IL1RAPL1: variants seen among roughly 807,000 people sequenced by gnomAD.
The protein encoded by IL1RAPL1 is interleukin 1 receptor accessory protein like 1.
Under a neutral mutation model 48.4 loss-of-function variants are expected in IL1RAPL1, and 3 were observed. The observed-to-expected ratio is 0.06, with a 90% CI of 0.03 to 0.16. IL1RAPL1 has a LOEUF of 0.16. IL1RAPL1 is among the 10% of genes least tolerant of loss of function. IL1RAPL1 has a pLI of 1.00. For missense variants in IL1RAPL1, 349 were observed against 530.6 expected (o/e 0.66, Z 3.36); for synonymous variants, 185 against 187.7 (o/e 0.99, Z 0.12).
intron 6 of IL1RAPL1, among the ~76,000 whole-genome samples, chrX:29,806,944 A>T (rs1454188843): frequency 9.1e-6 from 1 of 109,779 alleles, no homozygotes; most frequent in Non-Finnish European, 1.9e-5. Flanking sequence ...CTGACCATGT[A>T]AGATGTGCCT....
chrX:29,252,398 C>T (rs191897794), intron 2 of IL1RAPL1, among the ~76,000 whole-genome samples: 37 of 113,719 alleles, frequency 3.3e-4, no homozygotes, highest in Non-Finnish European at 5.4e-4. Flanking sequence ...TTCCTAGTGG[C>T]CAGGGCATAC....
At chrX:29,827,893 T>G (rs1018751854) in intron 6 of IL1RAPL1, among the ~76,000 whole-genome samples, 6 of 112,401 alleles carry the variant, frequency 5.3e-5, no homozygotes, top group African/African-American at 1.9e-4. Context: ...CTAAGAAAGC[T>G]AAAACTTTAG....
intron 1 of IL1RAPL1, among the ~76,000 whole-genome samples, chrX:28,664,735 A>G (rs1238329729): frequency 9.0e-6 from 1 of 111,550 alleles, no homozygotes; most frequent in Admixed American, 9.6e-5. Context: ...GCTACACTCT[A>G]CTACATTCAG....
intron 2 of IL1RAPL1, among the ~76,000 whole-genome samples, chrX:29,035,076 C>T (rs2147412488): frequency 9.0e-6 from 1 of 111,196 alleles, no homozygotes; most frequent in African/African-American, 3.3e-5. Flanking sequence ...ATCGTGTTAG[C>T]TACCCACAGT....
intron 5 of IL1RAPL1, among the ~76,000 whole-genome samples, chrX:29,493,725 A>G (rs1040604793): frequency 2.7e-5 from 3 of 111,320 alleles, no homozygotes; most frequent in Non-Finnish European, 1.9e-5. Context: ...GGTTTGTTAC[A>G]TGGGTATATT....
At chrX:29,529,070 A>G (rs1935584502) in intron 5 of IL1RAPL1, among the ~76,000 whole-genome samples, 1 of 111,010 alleles carries the variant, frequency 9.0e-6, no homozygotes, top group African/African-American at 3.3e-5. Context: ...GCATCAGGCA[A>G]CACAAATCGA....
chrX:29,556,277 T>C (rs892235279), intron 5 of IL1RAPL1, among the ~76,000 whole-genome samples: 1 of 112,151 alleles, frequency 8.9e-6, no homozygotes, highest in Admixed American at 9.4e-5. Context: ...TTGAACTATA[T>C]ATGGTGTCTG....
chrX:29,752,080 G>GCATA (rs1304439501), intron 6 of IL1RAPL1, among the ~76,000 whole-genome samples: 1 of 85,324 alleles, frequency 1.2e-5, no homozygotes, highest in African/African-American at 4.2e-5. Context: ...ATGTGTGTAT[G>GCATA]TATATATATA....
chrX:28,949,041 T>C, intron 2 of IL1RAPL1, among the ~76,000 whole-genome samples: 1 of 110,916 alleles, frequency 9.0e-6, no homozygotes, highest in East Asian at 2.8e-4. Context: ...ATTATTATTA[T>C]TATTTGAATC....
chrX:29,025,588 T>C (rs933269570), intron 2 of IL1RAPL1, among the ~76,000 whole-genome samples: 4 of 111,952 alleles, frequency 3.6e-5, no homozygotes, highest in African/African-American at 9.7e-5. Context: ...TACTATATTC[T>C]AGGCACTCTT....
At chrX:29,634,627 G>A (rs1488224455) in intron 5 of IL1RAPL1, among the ~76,000 whole-genome samples, 1 of 111,367 alleles carries the variant, frequency 9.0e-6, no homozygotes, top group Non-Finnish European at 1.9e-5. Context: ...TGTGGGTGTG[G>A]TGATGGTGGT....
At chrX:28,782,358 G>C (rs1158599878) in intron 1 of IL1RAPL1, among the ~76,000 whole-genome samples, 1 of 111,522 alleles carries the variant, frequency 9.0e-6, no homozygotes, top group Non-Finnish European at 1.9e-5. Context: ...TGCCAAAATT[G>C]ATAAAGTAGT....
chrX:29,471,738 G>A (rs998435793), intron 5 of IL1RAPL1, among the ~76,000 whole-genome samples: 4 of 110,983 alleles, frequency 3.6e-5, no homozygotes, highest in Non-Finnish European at 7.6e-5. Context: ...TGGCAAGCAC[G>A]AATCTACTTT....
At chrX:29,573,585 T>G (rs1922665178) in intron 5 of IL1RAPL1, among the ~76,000 whole-genome samples, 1 of 111,964 alleles carries the variant, frequency 8.9e-6, no homozygotes, top group Non-Finnish European at 1.9e-5. Context: ...ATGCACTGAG[T>G]TTTTTGAAAG....
At chrX:28,768,703 T>TTCTC (rs1195886664) in intron 1 of IL1RAPL1, among the ~76,000 whole-genome samples, 3 of 58,836 alleles carry the variant, frequency 5.1e-5, no homozygotes, top group Non-Finnish European at 6.2e-5. Flanking sequence ...CTCTCTCTGT[T>TTCTC]TCTCTCTCTC....
At chrX:29,632,392 G>A (rs1418822090) in intron 5 of IL1RAPL1, among the ~76,000 whole-genome samples, 2 of 110,390 alleles carry the variant, frequency 1.8e-5, no homozygotes, top group African/African-American at 6.6e-5. Flanking sequence ...CCCGTGATCC[G>A]CCCACCTCGG....
At chrX:28,771,284 G>T (rs899508050) in intron 1 of IL1RAPL1, among the ~76,000 whole-genome samples, 3 of 111,929 alleles carry the variant, frequency 2.7e-5, no homozygotes, top group Non-Finnish European at 5.6e-5. Context: ...TTTTCTCTGT[G>T]TTACTTAATT....
intron 3 of IL1RAPL1, among the ~76,000 whole-genome samples, chrX:29,361,961 T>A (rs1230665448): frequency 8.9e-6 from 1 of 111,999 alleles, no homozygotes; most frequent in Non-Finnish European, 1.9e-5. Context: ...CATTGAAAGA[T>A]GAGAGCCAAG....
chrX:29,695,498 G>A (rs1430288211), intron 6 of IL1RAPL1, among the ~76,000 whole-genome samples: 2 of 110,356 alleles, frequency 1.8e-5, no homozygotes, highest in Admixed American at 9.7e-5. Flanking sequence ...CTGGGGGCTA[G>A]ATGTCTGAGA....
Sources: allele counts gnomAD v4.1 joint callset (sites outside exome capture counted in the v4.1 genomes callset), GRCh38; gene constraint gnomAD v4.1.1; transcripts MANE v1.5; gene names NCBI Gene and HGNC (gene_info 2026-07-23, HGNC 2026-07-21).